Variants in CHIC1 observed in about 807,000 individuals in gnomAD.
The protein encoded by CHIC1 is cysteine-rich hydrophobic domain-containing protein 1.
In CHIC1, 7 loss-of-function variants were observed where a neutral mutation model predicts 18.5. The observed-to-expected ratio is 0.38, with a 90% CI of 0.22 to 0.71. The LOEUF (loss-of-function observed/expected upper bound fraction) is 0.71. Among genes scored for constraint, CHIC1 ranks in the 30% least tolerant of loss-of-function variants. The pLI, the probability that CHIC1 is intolerant of heterozygous loss-of-function variation, is 0.49. For missense variants in CHIC1, 159 were observed against 176.9 expected (o/e 0.90, Z 0.57); for synonymous variants, 77 against 73.5 (o/e 1.05, Z -0.25).
In CHIC1 at chrX:73,607,548, C is replaced by T. The variant is rs1042927097; in HGVS notation, c.507+22976C>T. On this transcript the variant is annotated intron_variant, in intron 3 of 5. Transcript: ENST00000373502. ...GGGGTATGAAAAAAAAACACTTCTGCAACTAGCTCAATGTCTGTCCAAATG... is the reference window on the plus strand; with the variant it reads ...GGGGTATGAAAAAAAAACACTTCTGTAACTAGCTCAATGTCTGTCCAAATG... 3.7e-5 allele frequency among the ~76,000 whole-genome samples: 4 copies of T among 108,389 alleles called. 1 individual carries two copies. The highest frequency in any genetic ancestry group is 1.4e-4 in the African/African-American group (4 of 27,871). The allele number at this position is 108,389 out of a possible 115,157, so 94.1% of individuals were successfully genotyped here. A position where few individuals can be genotyped will look rare whatever the true frequency, so the allele number is the denominator to read the frequency against.
chrX:73,580,824 T>C (rs1311372095), intron 2 of CHIC1, among the ~76,000 whole-genome samples: 2 of 111,035 alleles, frequency 1.8e-5, no homozygotes, highest in Admixed American at 1.9e-4. Context: ...ATGCCTGAGC[T>C]AAGCAAAATT....
At chrX:73,595,171 A>G (rs1370928319) in intron 3 of CHIC1, among the ~76,000 whole-genome samples, 1 of 110,543 alleles carries the variant, frequency 9.0e-6, no homozygotes, top group African/African-American at 3.3e-5. Flanking sequence ...GGAACCACCA[A>G]AATCTTCCCT....
At chrX:73,671,093 T>C (rs1257270187) in intron 3 of CHIC1, among the ~76,000 whole-genome samples, 1 of 112,011 alleles carries the variant, frequency 8.9e-6, no homozygotes, top group Non-Finnish European at 1.9e-5. Flanking sequence ...AGTTTAAGTC[T>C]CATGATGTTT....
intron 3 of CHIC1, among the ~76,000 whole-genome samples, chrX:73,674,927 A>G (rs1339013461): frequency 8.9e-6 from 1 of 111,758 alleles, no homozygotes; most frequent in Non-Finnish European, 1.9e-5. Flanking sequence ...AGATTCTGGT[A>G]TGTTGTGTCT....
chrX:73,577,908 G>A (rs1482286628), intron 2 of CHIC1, among the ~76,000 whole-genome samples: 2 of 109,774 alleles, frequency 1.8e-5, no homozygotes, highest in African/African-American at 6.6e-5. Context: ...GAGTTGGTAA[G>A]ATTGGACTCA....
intron 3 of CHIC1, among the ~76,000 whole-genome samples, chrX:73,655,470 A>G (rs1015210540): frequency 2.9e-4 from 21 of 72,213 alleles, no homozygotes; most frequent in Non-Finnish European, 4.8e-4. Flanking sequence ...GTGTATATAT[A>G]TATACATATA....
At chrX:73,618,435 G>A (rs1326855870) in intron 3 of CHIC1, among the ~76,000 whole-genome samples, 1 of 111,305 alleles carries the variant, frequency 9.0e-6, no homozygotes, top group Non-Finnish European at 1.9e-5. Context: ...ACTCTCCTTG[G>A]GTGGGGTCTG....
chrX:73,655,901 T>C (rs2057946654), intron 3 of CHIC1, among the ~76,000 whole-genome samples: 1 of 111,076 alleles, frequency 9.0e-6, no homozygotes, highest in Non-Finnish European at 1.9e-5. Context: ...TCTTCCATAA[T>C]GGTTAAACTA....
At chrX:73,596,400 A>T (rs1224447471) in intron 3 of CHIC1, among the ~76,000 whole-genome samples, 1 of 111,877 alleles carries the variant, frequency 8.9e-6, no homozygotes, top group African/African-American at 3.2e-5. Flanking sequence ...ATGGAAAAAC[A>T]TTCCATGATC....
chrX:73,577,442 C>T lies in CHIC1; in HGVS notation c.332C>T (p.Pro111Leu). 1 of 1,197,160 alleles carries T rather than the reference C, an allele frequency of 8.4e-7. No individual in the cohort carries two copies. The highest frequency in any genetic ancestry group is 1.1e-6 in the Non-Finnish European group (1 of 884,524). Residue 111 changes from proline (P) to leucine (L), a missense_variant, in exon 2 of 6, where the codon CCC (proline) becomes CTC (leucine). By Grantham distance (98) the Pro-to-Leu change is moderately conservative. Transcript: ENST00000373502. ...GLSNKFDTEF[P>L]SVLTGKVAPE... Reference sequence around the variant, plus strand: ...AGCAACAAGTTTGATACTGAATTTCCCTCCGTTCTAACAGGGAAGGTAAGT... The same window carrying T: ...AGCAACAAGTTTGATACTGAATTTCTCTCCGTTCTAACAGGGAAGGTAAGT...
intron 3 of CHIC1, among the ~76,000 whole-genome samples, chrX:73,607,502 G>A (rs1443234206): frequency 9.3e-6 from 1 of 107,128 alleles, no homozygotes; most frequent in African/African-American, 3.7e-5. Context: ...TTTCTATCTC[G>A]CTGACATTCC....
chrX:73,634,236 A>G (rs2057821263), intron 3 of CHIC1, among the ~76,000 whole-genome samples: 1 of 112,049 alleles, frequency 8.9e-6, no homozygotes, highest in Non-Finnish European at 1.9e-5. Context: ...GGTCTCTCAG[A>G]ACTTTTCTGT....
chrX:73,657,241 T>C (rs1412340334), intron 3 of CHIC1, among the ~76,000 whole-genome samples: 1 of 109,412 alleles, frequency 9.1e-6, no homozygotes, highest in Non-Finnish European at 1.9e-5. Flanking sequence ...TTTTATTTTT[T>C]AGTAGAGACA....
chrX:73,565,743 T>A (rs1263452582), intron 1 of CHIC1, among the ~76,000 whole-genome samples: 2 of 111,708 alleles, frequency 1.8e-5, no homozygotes, highest in Non-Finnish European at 3.8e-5. Flanking sequence ...ATGAAGTAGG[T>A]AATCTTATTC....
chrX:73,638,923 CT>C (rs2147598521), intron 3 of CHIC1, among the ~76,000 whole-genome samples: 1 of 112,128 alleles, frequency 8.9e-6, no homozygotes, highest in African/African-American at 3.2e-5. Context: ...ATCCAGTCTA[CT>C]GTTGATGGGC....
chrX:73,605,696 A>G (rs1465430055), intron 3 of CHIC1, among the ~76,000 whole-genome samples: 1 of 108,747 alleles, frequency 9.2e-6, no homozygotes, highest in Non-Finnish European at 1.9e-5. Flanking sequence ...TGGTGATGAC[A>G]GAATCTCTCG....
chrX:73,667,001 C>CT (rs2058007380), intron 3 of CHIC1, among the ~76,000 whole-genome samples: 1 of 111,606 alleles, frequency 9.0e-6, no homozygotes, highest in African/African-American at 3.3e-5. Flanking sequence ...TTTTGAAAGT[C>CT]TCTAAAAACT....
chrX:73,647,845 C>T (rs899523147), intron 3 of CHIC1, among the ~76,000 whole-genome samples: 2 of 112,119 alleles, frequency 1.8e-5, no homozygotes, highest in African/African-American at 6.5e-5. Context: ...TGAGGTACAT[C>T]CCCTCCACCA....
In CHIC1 at chrX:73,684,824, T is replaced by TA. The variant is rs1382214534; in HGVS notation, c.*3820dup. ...TATGTGGACTAAAACAATTGATATA[T>TA]ATCTGTATGTAAAAATGAATGATCT... On this transcript the variant is annotated 3_prime_UTR_variant, in exon 6 of 6. Coordinates refer to ENST00000373502, the MANE Select transcript of CHIC1 (RefSeq NM_001039840.4). 1 of 111,523 alleles carries TA rather than the reference T, an allele frequency of 9.0e-6. No homozygotes were observed. Among genetic ancestry groups the TA allele is most frequent in the Admixed American group, 9.6e-5 (1 of 10,417 alleles). The allele number at this position is 111,523 out of a possible 1,213,427, so 9.2% of individuals were successfully genotyped here. A position where few individuals can be genotyped will look rare whatever the true frequency, so the allele number is the denominator to read the frequency against.
Sources: gnomAD v4.1 joint callset for allele counts (sites outside exome capture counted in the v4.1 genomes callset) on GRCh38, gnomAD v4.1.1 for gene constraint, MANE v1.5 for transcripts, NCBI Gene and HGNC (gene_info 2026-07-23, HGNC 2026-07-21) for gene names.